Variants in PDE3A observed in about 807,000 individuals in gnomAD.
The protein encoded by PDE3A is phosphodiesterase 3A, also known as cGMP-inhibited 3',5'-cyclic phosphodiesterase 3A.
PDE3A carries 43 observed loss-of-function variants against 98.3 expected under a neutral mutation model. That is an observed-to-expected ratio of 0.44 (90% CI 0.34 to 0.56). The LOEUF is 0.56. Among genes scored for constraint, PDE3A ranks in the 20% least tolerant of loss-of-function variants. The probability of loss-of-function intolerance (pLI) is 0.01; values close to 1 mark genes in which losing one functional copy is unlikely to be tolerated. For missense variants in PDE3A, 1,427 were observed against 1,440.7 expected (o/e 0.99, Z 0.15); for synonymous variants, 663 against 567.9 (o/e 1.17, Z -2.38).
chr12:20,661,662 G>T (rs955869751), intron 15 of PDE3A, among the ~76,000 whole-genome samples: 5 of 152,212 alleles, frequency 3.3e-5, no homozygotes, highest in African/African-American at 7.2e-5. Flanking sequence ...GACGCCTCAA[G>T]CCTTGGCACC....
At chr12:20,375,436 T>C (rs911459760) in intron 1 of PDE3A, among the ~76,000 whole-genome samples, 2 of 151,964 alleles carry the variant, frequency 1.3e-5, no homozygotes, top group Non-Finnish European at 2.9e-5. Flanking sequence ...ATATAAAATA[T>C]ACAGATTTGA....
intron 1 of PDE3A, among the ~76,000 whole-genome samples, chr12:20,409,280 G>T (rs569447417): frequency 1.3e-5 from 2 of 152,112 alleles, no homozygotes; most frequent in Non-Finnish European, 2.9e-5. Context: ...GTCTTGAATA[G>T]GTTTTACTTT....
intron 1 of PDE3A, among the ~76,000 whole-genome samples, chr12:20,385,110 G>A (rs1014197931): frequency 6.6e-6 from 1 of 151,978 alleles, no homozygotes; most frequent in African/African-American, 2.4e-5. Context: ...TCACCACACT[G>A]TCTTCCACAA....
chr12:20,672,246 C>A (rs1278295103), intron 15 of PDE3A, among the ~76,000 whole-genome samples: 220 of 148,146 alleles, frequency 1.5e-3, no homozygotes, highest in African/African-American at 5.4e-3. Context: ...TAGGAAGAAT[C>A]AATATCGTGA....
At chr12:20,388,497 A>T (rs1482970502) in intron 1 of PDE3A, among the ~76,000 whole-genome samples, 3 of 152,050 alleles carry the variant, frequency 2.0e-5, no homozygotes, top group Admixed American at 2.0e-4. Context: ...AAACTCTACC[A>T]CGTCAACTGA....
chr12:20,673,007 AAAAC>A (rs1945531047), intron 15 of PDE3A, among the ~76,000 whole-genome samples: 1 of 151,696 alleles, frequency 6.6e-6, no homozygotes, highest in African/African-American at 2.4e-5. Flanking sequence ...TTACAAGAAA[AAAAC>A]AAACAACCCC....
intron 1 of PDE3A, among the ~76,000 whole-genome samples, chr12:20,441,107 C>A (rs1418843342): frequency 6.6e-6 from 1 of 151,996 alleles, no homozygotes. Context: ...ATAATGGATA[C>A]ATAAGAAGTA....
chr12:20,446,490 G>A (rs1006430992), intron 1 of PDE3A, among the ~76,000 whole-genome samples: 10 of 152,116 alleles, frequency 6.6e-5, no homozygotes, highest in African/African-American at 1.4e-4. Context: ...AAGGAAGGTC[G>A]GGAACAAGGT....
intron 7 of PDE3A, among the ~76,000 whole-genome samples, 192 bp downstream of exon 7, chr12:20,633,970 G>C (rs1944442973): frequency 6.6e-6 from 1 of 152,034 alleles, no homozygotes; most frequent in East Asian, 1.9e-4. Context: ...GAAGTACTAG[G>C]ATTACAGGCA....
chr12:20,428,466 A>G (rs1427333693), intron 1 of PDE3A, among the ~76,000 whole-genome samples: 1 of 152,030 alleles, frequency 6.6e-6, no homozygotes. Context: ...TATTTTTAGT[A>G]GAGACGGGGT....
At chr12:20,658,372 A>G (rs954205031) in intron 15 of PDE3A, among the ~76,000 whole-genome samples, 2 of 152,242 alleles carry the variant, frequency 1.3e-5, no homozygotes, top group South Asian at 2.1e-4. Context: ...CAGCCCAGGT[A>G]CCAGGTCCTT....
intron 1 of PDE3A, among the ~76,000 whole-genome samples, chr12:20,454,023 A>G (rs1945112658): frequency 6.6e-6 from 1 of 152,302 alleles, no homozygotes; most frequent in East Asian, 1.9e-4. Flanking sequence ...AGAAAATTTG[A>G]CATTCTTCAC....
rs147248499 is a variant in PDE3A at position 20,663,965 on chromosome 12, A to T, written c.3184+9760A>T. ...ATAATCTCCATGTGTTGCGGGAGGG[A>T]CCCAGTGGGAGGTAATTGAATCATG... On this transcript the variant is annotated intron_variant, in intron 15 of 15. Transcript: ENST00000359062. Among the ~76,000 whole-genome samples, 416 of 152,102 alleles carry T rather than the reference A, an allele frequency of 2.7e-3. 2 individuals carry two copies. Among genetic ancestry groups the T allele is most frequent in the Middle Eastern group, 6.8e-3 (2 of 294 alleles).
At chr12:20,532,273 T>C (rs965673194) in intron 1 of PDE3A, among the ~76,000 whole-genome samples, 3 of 152,150 alleles carry the variant, frequency 2.0e-5, no homozygotes, top group Non-Finnish European at 4.4e-5. Flanking sequence ...ATTCTAGGCA[T>C]TTGTCTTATT....
intron 1 of PDE3A, among the ~76,000 whole-genome samples, chr12:20,408,682 G>A (rs1944278362): frequency 6.6e-6 from 1 of 151,716 alleles, no homozygotes; most frequent in East Asian, 1.9e-4. Context: ...TTTGTATTTT[G>A]TAAACCATAC....
At chr12:20,619,256 G>T (rs1944078165) in intron 4 of PDE3A, among the ~76,000 whole-genome samples, 1 of 151,812 alleles carries the variant, frequency 6.6e-6, no homozygotes, top group Admixed American at 6.6e-5. Context: ...TTTATCTTGA[G>T]TTCATTAAAT....
intron 6 of PDE3A, among the ~76,000 whole-genome samples, chr12:20,630,706 C>T (rs1398368885): frequency 1.3e-5 from 2 of 152,142 alleles, no homozygotes; most frequent in African/African-American, 4.8e-5. Flanking sequence ...AATGGCCTAG[C>T]ATGGCTGGAG....
chr12:20,442,433 C>T (rs1327910003), intron 1 of PDE3A, among the ~76,000 whole-genome samples: 1 of 152,142 alleles, frequency 6.6e-6, no homozygotes, highest in African/African-American at 2.4e-5. Context: ...TTCACAATCA[C>T]ATAGGAGAGG....
intron 2 of PDE3A, among the ~76,000 whole-genome samples, chr12:20,560,889 A>G (rs1019010641): frequency 2.7e-5 from 4 of 150,458 alleles, no homozygotes; most frequent in Non-Finnish European, 5.9e-5. Flanking sequence ...AGCCATTTAC[A>G]CTATATCAGA....
Sources: allele counts gnomAD v4.1 joint callset (sites outside exome capture counted in the v4.1 genomes callset), GRCh38; gene constraint gnomAD v4.1.1; transcripts MANE v1.5; gene names NCBI Gene and HGNC (gene_info 2026-07-23, HGNC 2026-07-21).